NCOA1: variants seen among roughly 807,000 people sequenced by gnomAD.
NCOA1 encodes the protein Hin-2 protein.
In NCOA1, 35 loss-of-function variants were observed where a neutral mutation model predicts 150.9. The ratio of observed to expected loss-of-function variants is 0.23; its 90% CI spans 0.18 to 0.31. The LOEUF (loss-of-function observed/expected upper bound fraction) is 0.31. Ranked by LOEUF, NCOA1 falls within the 10% of genes least tolerant of loss-of-function variation. NCOA1 has a pLI of 1.00. For missense variants in NCOA1, 1,491 were observed against 1,749.3 expected (o/e 0.85, Z 2.63); for synonymous variants, 590 against 630.0 (o/e 0.94, Z 0.95).
At chr2:24,670,803 C>T (rs1009332467) in intron 6 of NCOA1, among the ~76,000 whole-genome samples, 7 of 152,026 alleles carry the variant, frequency 4.6e-5, no homozygotes, top group Middle Eastern at 3.2e-3. Context: ...GAATTGTGTG[C>T]CTTAAATGAG....
intron 1 of NCOA1, among the ~76,000 whole-genome samples, chr2:24,527,816 G>A (rs62140851): frequency 5.9e-5 from 9 of 151,932 alleles, no homozygotes; most frequent in South Asian, 2.1e-4. Flanking sequence ...TCTCCATACC[G>A]TTGCCAACAC....
chr2:24,536,279 G>T (rs1203109860), intron 1 of NCOA1, among the ~76,000 whole-genome samples: 3 of 152,010 alleles, frequency 2.0e-5, no homozygotes, highest in Non-Finnish European at 4.4e-5. Context: ...CAAAGTTCTC[G>T]TGCCGTGGTT....
intron 2 of NCOA1, among the ~76,000 whole-genome samples, chr2:24,580,057 G>T (rs1425659501): frequency 6.6e-6 from 1 of 152,122 alleles, no homozygotes; most frequent in Non-Finnish European, 1.5e-5. Context: ...AAAAAATGTT[G>T]TGCCACTTCT....
intron 3 of NCOA1, among the ~76,000 whole-genome samples, chr2:24,605,997 G>T (rs958307002): frequency 2.0e-5 from 3 of 152,048 alleles, no homozygotes; most frequent in African/African-American, 7.2e-5. Flanking sequence ...TTTAAAGAGC[G>T]TGCTTCTTAT....
chr2:24,522,305 A>G (rs1243876354), intron 1 of NCOA1, among the ~76,000 whole-genome samples: 2 of 152,152 alleles, frequency 1.3e-5, no homozygotes, highest in African/African-American at 4.8e-5. Context: ...GGTCTAATTT[A>G]TTAAACAATT....
At chr2:24,569,824 C>G (rs1323753400) in intron 2 of NCOA1, among the ~76,000 whole-genome samples, 1 of 147,668 alleles carries the variant, frequency 6.8e-6, no homozygotes, top group African/African-American at 2.5e-5. Context: ...GAGCCAAGAT[C>G]GCGCCACTGC....
chr2:24,665,332 C>A (rs1671369253), intron 5 of NCOA1, among the ~76,000 whole-genome samples: 1 of 152,064 alleles, frequency 6.6e-6, no homozygotes, highest in Admixed American at 6.5e-5. Context: ...CTTGTGAATT[C>A]TATTATCGTA....
chr2:24,539,072 AAAC>A (rs1372396183), intron 1 of NCOA1, among the ~76,000 whole-genome samples: 20 of 152,296 alleles, frequency 1.3e-4, no homozygotes, highest in African/African-American at 3.8e-4. Context: ...AAAATCAAGA[AAAC>A]AACCACTATT....
chr2:24,672,081 G>A (rs1671710667), intron 6 of NCOA1, among the ~76,000 whole-genome samples: 1 of 151,832 alleles, frequency 6.6e-6, no homozygotes. Context: ...ATACATTTAT[G>A]TAAACCTTAA....
intron 1 of NCOA1, among the ~76,000 whole-genome samples, chr2:24,536,925 C>T (rs1295670489): frequency 1.3e-5 from 2 of 151,954 alleles, no homozygotes; most frequent in African/African-American, 4.8e-5. Context: ...GCTATGGGTA[C>T]ACAGAGGCAT....
chr2:24,669,316 T>C (rs993304140), intron 6 of NCOA1, among the ~76,000 whole-genome samples: 9 of 152,154 alleles, frequency 5.9e-5, no homozygotes, highest in African/African-American at 1.9e-4. Context: ...GTATTGCCAT[T>C]ATCCATGTTG....
At chr2:24,533,405 G>A (rs1664983736) in intron 1 of NCOA1, among the ~76,000 whole-genome samples, 1 of 152,182 alleles carries the variant, frequency 6.6e-6, no homozygotes, top group Admixed American at 6.6e-5. Context: ...GAGACAATTT[G>A]ACTTTCTCTT....
At chr2:24,710,815 T>A in intron 13 of NCOA1, 116 bp from the exon 14 acceptor site, 1 of 969,300 alleles carries the variant, frequency 1.0e-6, no homozygotes. Flanking sequence ...TCTTCTTTCT[T>A]CATTATCTCA....
chr2:24,534,640 G>T (rs1281190156), intron 1 of NCOA1, among the ~76,000 whole-genome samples: 1 of 152,108 alleles, frequency 6.6e-6, no homozygotes, highest in Non-Finnish European at 1.5e-5. Flanking sequence ...AGAGATTCTG[G>T]TAGTTGTGTC....
At chr2:24,737,597 A>G (rs1233254383) in intron 17 of NCOA1, among the ~76,000 whole-genome samples, 1 of 152,082 alleles carries the variant, frequency 6.6e-6, no homozygotes, top group Non-Finnish European at 1.5e-5. Flanking sequence ...CTCTGCCTCA[A>G]GTTAACTCTG....
At chr2:24,543,982 AT>A (rs1393758225) in intron 1 of NCOA1, among the ~76,000 whole-genome samples, 1 of 152,184 alleles carries the variant, frequency 6.6e-6, no homozygotes, top group Non-Finnish European at 1.5e-5. Context: ...TGTCTTGTGT[AT>A]TCATTTGTTC....
chr2:24,683,150 A>G, intron 8 of NCOA1, 22 bp downstream of exon 8: 1 of 1,504,102 alleles, frequency 6.6e-7, no homozygotes, highest in Non-Finnish European at 8.9e-7. Flanking sequence ...TGTGTTTTTA[A>G]AAAGAATACT....
intron 7 of NCOA1, among the ~76,000 whole-genome samples, chr2:24,675,526 G>C (rs1671863756): frequency 6.6e-6 from 1 of 152,190 alleles, no homozygotes; most frequent in Non-Finnish European, 1.5e-5. Flanking sequence ...TGTGTAGTGG[G>C]GAAGAAAATT....
chr2:24,560,450 T>A (rs1666252514), intron 1 of NCOA1, among the ~76,000 whole-genome samples: 1 of 152,194 alleles, frequency 6.6e-6, no homozygotes, highest in African/African-American at 2.4e-5. Context: ...TTTTTCTCAT[T>A]AGGGTGGAAA....
Sources: allele counts gnomAD v4.1 joint callset (sites outside exome capture counted in the v4.1 genomes callset), GRCh38; gene constraint gnomAD v4.1.1; transcripts MANE v1.5; gene names NCBI Gene and HGNC (gene_info 2026-07-23, HGNC 2026-07-21).